SYNE2: variants seen among roughly 807,000 people sequenced by gnomAD.
SYNE2 encodes the protein nesprin-2.
In SYNE2, 431 loss-of-function variants were observed where a neutral mutation model predicts 856.3. That is an observed-to-expected ratio of 0.50 (90% CI 0.47 to 0.55). The LOEUF is 0.55. Ranked by LOEUF, SYNE2 falls within the 20% of genes least tolerant of loss-of-function variation. The pLI is 0.00. For synonymous variants in SYNE2, 2,923 were observed against 2,872.3 expected (o/e 1.02, Z -0.56); for missense variants, 8,129 against 8,023.2 (o/e 1.01, Z -0.50).
intron 33 of SYNE2, 40 bp from the exon 34 acceptor site, chr14:64,017,555 C>T (rs765790483): frequency 6.5e-7 from 1 of 1,542,268 alleles, no homozygotes; most frequent in Non-Finnish European, 8.9e-7. Flanking sequence ...TCAGACTTTT[C>T]ACTGCTACAT....
At chr14:64,136,422 A>C (rs529309192) in intron 78 of SYNE2, among the ~76,000 whole-genome samples, 3 of 145,260 alleles carry the variant, frequency 2.1e-5, no homozygotes, top group South Asian at 4.9e-4. Flanking sequence ...ATGCTCAGAC[A>C]CGGGGGGGAG....
At chr14:63,909,064 G>C (rs1284329400) in intron 1 of SYNE2, 34 bp from the exon 2 acceptor site, 19 of 1,014,198 alleles carry the variant, frequency 1.9e-5, no homozygotes, top group Non-Finnish European at 2.7e-5. Flanking sequence ...GAGCTGCAAA[G>C]TTACTAATGA....
chr14:64,140,152 T>TA, intron 80 of SYNE2, 79 bp downstream of exon 80: 1 of 1,405,058 alleles, frequency 7.1e-7, no homozygotes, highest in Non-Finnish European at 1.0e-6. Context: ...GTTGATGTGA[T>TA]AGTCTTCGTA....
chr14:63,786,608 C>A (rs1887537266), intron 1 of SYNE2, among the ~76,000 whole-genome samples: 1 of 152,086 alleles, frequency 6.6e-6, no homozygotes, highest in African/African-American at 2.4e-5. Context: ...GATGAGGACC[C>A]AACTCTATTT....
intron 6 of SYNE2, among the ~76,000 whole-genome samples, chr14:63,947,358 T>C (rs1297942487): frequency 2.3e-4 from 35 of 152,214 alleles, no homozygotes; most frequent in Non-Finnish European, 1.6e-4. Flanking sequence ...TTAATTTGAA[T>C]TTAAATCTCA....
intron 1 of SYNE2, among the ~76,000 whole-genome samples, chr14:63,857,920 G>A (rs1237876021): frequency 6.6e-6 from 1 of 152,062 alleles, no homozygotes; most frequent in Admixed American, 6.6e-5. Context: ...ATTTTGTGCT[G>A]CCATTACAGA....
intron 45 of SYNE2, among the ~76,000 whole-genome samples, chr14:64,037,898 C>A (rs1279987344): frequency 2.0e-5 from 3 of 151,194 alleles, no homozygotes; most frequent in Non-Finnish European, 4.4e-5. Flanking sequence ...GGGGCTGACC[C>A]CCAACCTCCC....
At chr14:63,802,978 G>A (rs974875185) in intron 1 of SYNE2, among the ~76,000 whole-genome samples, 10 of 152,140 alleles carry the variant, frequency 6.6e-5, no homozygotes, top group Admixed American at 3.3e-4. Flanking sequence ...TGCAAAGAGC[G>A]AAAGAACAAA....
At chr14:63,973,752 T>C (rs2096502183) in intron 11 of SYNE2, among the ~76,000 whole-genome samples, 1 of 152,164 alleles carries the variant, frequency 6.6e-6, no homozygotes, top group African/African-American at 2.4e-5. Context: ...ATCTAATGCT[T>C]TCATTTTATG....
chr14:64,214,165 A>G (rs569687194), intron 105 of SYNE2, 29 bp from the exon 106 acceptor site: 9 of 1,614,086 alleles, frequency 5.6e-6, no homozygotes, highest in Non-Finnish European at 7.6e-6. Flanking sequence ...TGAGTTGATT[A>G]ATTCTAACAA....
intron 103 of SYNE2, among the ~76,000 whole-genome samples, chr14:64,211,126 C>T (rs1050792705): frequency 6.6e-6 from 1 of 152,146 alleles, no homozygotes; most frequent in Non-Finnish European, 1.5e-5. Flanking sequence ...GGATTACCGG[C>T]GTGCATCACT....
At chr14:63,877,654 T>C (rs2094757512) in intron 1 of SYNE2, among the ~76,000 whole-genome samples, 1 of 152,204 alleles carries the variant, frequency 6.6e-6, no homozygotes, top group Non-Finnish European at 1.5e-5. Flanking sequence ...ATAGGAATGT[T>C]GAAAGTCAGC....
chr14:64,189,817 A>G (rs943948783), intron 98 of SYNE2, among the ~76,000 whole-genome samples: 1 of 152,076 alleles, frequency 6.6e-6, no homozygotes, highest in African/African-American at 2.4e-5. Context: ...GACTACAGAC[A>G]TGTGCCAGCA....
At chr14:64,166,195 A>T (rs914720295) in intron 90 of SYNE2, among the ~76,000 whole-genome samples, 4 of 152,072 alleles carry the variant, frequency 2.6e-5, no homozygotes, top group African/African-American at 9.7e-5. Context: ...ATTTTTTTTT[A>T]AATAAAATTT....
chr14:64,090,681 T>C (rs765096790), intron 59 of SYNE2, among the ~76,000 whole-genome samples, 185 bp from the exon 60 acceptor site: 6 of 152,230 alleles, frequency 3.9e-5, no homozygotes, highest in Non-Finnish European at 5.9e-5. Context: ...GCCCCAGTTA[T>C]TCTTTCCTGA....
Position 64,032,566 on chromosome 14 carries a change from T to TTTGTTGTTGTTGTTG in SYNE2, c.7221+1219_7221+1233dup, listed in dbSNP as rs57794503. Among the ~76,000 whole-genome samples the TTTGTTGTTGTTGTTG allele has an allele frequency of 9.4e-3, 1,407 of 149,848 alleles. 22 individuals carry two copies. The highest frequency in any genetic ancestry group is 0.014 in the Middle Eastern group (4 of 292). ...GACAGAGTGAGACCCTATCTCTAATTTTGTTGTTGTTGTTGTTGTTGTTGA... is the reference window on the plus strand; with the variant it reads ...GACAGAGTGAGACCCTATCTCTAATTTTGTTGTTGTTGTTGTTGTTGTTGTTGTTGTTGTTGTTGA... On this transcript the variant is annotated intron_variant, in intron 45 of 115. Coordinates refer to ENST00000555002, the MANE Select transcript of SYNE2 (RefSeq NM_182914.3).
At chr14:63,865,878 G>C (rs1409148198) in intron 1 of SYNE2, among the ~76,000 whole-genome samples, 2 of 151,804 alleles carry the variant, frequency 1.3e-5, no homozygotes, top group Non-Finnish European at 2.9e-5. Flanking sequence ...ATATCTTCTA[G>C]CTCATTAAAA....
intron 100 of SYNE2, among the ~76,000 whole-genome samples, chr14:64,205,682 G>A (rs1422147387): frequency 6.6e-6 from 1 of 152,132 alleles, no homozygotes; most frequent in Non-Finnish European, 1.5e-5. Flanking sequence ...ACACCTTTAA[G>A]TATAAGGTAA....
At chr14:63,915,917 A>C (rs1402642124) in intron 2 of SYNE2, among the ~76,000 whole-genome samples, 7 of 152,184 alleles carry the variant, frequency 4.6e-5, no homozygotes, top group Non-Finnish European at 8.8e-5. Flanking sequence ...TTAGTGGGTT[A>C]GGTTACAAAC....
Sources: allele counts gnomAD v4.1 joint callset (sites outside exome capture counted in the v4.1 genomes callset), GRCh38; gene constraint gnomAD v4.1.1; transcripts MANE v1.5; gene names NCBI Gene and HGNC (gene_info 2026-07-23, HGNC 2026-07-21).